Variants in BMPR1B observed in about 807,000 individuals in gnomAD.
BMPR1B encodes bone morphogenetic protein receptor type 1B.
Under a neutral mutation model 59.1 loss-of-function variants are expected in BMPR1B, and 12 were observed. The ratio of observed to expected loss-of-function variants is 0.20; its 90% confidence interval spans 0.13 to 0.33. The LOEUF is 0.33. BMPR1B is among the 10% of genes least tolerant of loss of function. BMPR1B has a pLI of 1.00. For missense variants in BMPR1B, 550 were observed against 610.9 expected, an observed-to-expected ratio of 0.90 and a Z score of 1.05; for synonymous variants, 237 against 207.3, an observed-to-expected ratio of 1.14 and a Z score of -1.23.
intron 1 of BMPR1B, among the ~76,000 whole-genome samples, chr4:94,783,050 G>C (rs1349961062): frequency 6.6e-6 from 1 of 152,126 alleles, no homozygotes; most frequent in Non-Finnish European, 1.5e-5. Flanking sequence ...GCAACCTTGG[G>C]CATGTCCACA....
chr4:94,837,909 T>G (rs79036299), intron 1 of BMPR1B, among the ~76,000 whole-genome samples: 28,704 of 134,476 alleles, frequency 0.21, 4,689 homozygotes, highest in African/African-American at 0.25. Context: ...CATAGATAGC[T>G]CTTATTATTT....
chr4:95,116,592 A>G (rs987530908), intron 6 of BMPR1B, among the ~76,000 whole-genome samples: 26 of 150,954 alleles, frequency 1.7e-4, no homozygotes, highest in Non-Finnish European at 2.8e-4. Context: ...GAATTTCATG[A>G]CTTTGTTTTG....
chr4:95,064,847 G>A (rs1318385602), intron 3 of BMPR1B, among the ~76,000 whole-genome samples: 1 of 152,038 alleles, frequency 6.6e-6, no homozygotes, highest in South Asian at 2.1e-4. Context: ...CATGTACTAG[G>A]ATGGCTGTAA....
intron 8 of BMPR1B, among the ~76,000 whole-genome samples, chr4:95,129,560 T>C (rs1733155392): frequency 6.6e-6 from 1 of 152,208 alleles, no homozygotes; most frequent in Non-Finnish European, 1.5e-5. Flanking sequence ...GCAAGTATTC[T>C]ACTCTGCTGA....
intron 3 of BMPR1B, among the ~76,000 whole-genome samples, chr4:95,019,989 A>G (rs1723855600): frequency 6.6e-6 from 1 of 152,190 alleles, no homozygotes; most frequent in Non-Finnish European, 1.5e-5. Flanking sequence ...GTAAATTTAT[A>G]CAAGCTTGGG....
At chr4:95,130,147 C>T (rs1733217903) in intron 9 of BMPR1B, 93 bp downstream of exon 9, 6 of 1,458,894 alleles carry the variant, frequency 4.1e-6, no homozygotes, top group East Asian at 2.4e-5. Context: ...TGTCTAGACC[C>T]GTTGCGAAAT....
chr4:95,059,535 A>G (rs1727189323), intron 3 of BMPR1B, among the ~76,000 whole-genome samples: 1 of 152,012 alleles, frequency 6.6e-6, no homozygotes, highest in Non-Finnish European at 1.5e-5. Flanking sequence ...TTTTGGGCTG[A>G]TTTTATGCAT....
At chr4:94,876,399 C>T (rs1051795128) in intron 2 of BMPR1B, among the ~76,000 whole-genome samples, 1 of 152,168 alleles carries the variant, frequency 6.6e-6, no homozygotes, top group African/African-American at 2.4e-5. Flanking sequence ...CTACCTCTGA[C>T]CCACATATAT....
intron 2 of BMPR1B, among the ~76,000 whole-genome samples, chr4:94,979,565 T>A (rs181900905): frequency 1.3e-5 from 2 of 152,338 alleles, no homozygotes; most frequent in Non-Finnish European, 2.9e-5. Flanking sequence ...AACCTTGTGT[T>A]TTTGTAAGAA....
At chr4:95,071,720 T>C (rs1025122677) in intron 3 of BMPR1B, among the ~76,000 whole-genome samples, 1 of 148,964 alleles carries the variant, frequency 6.7e-6, no homozygotes, top group African/African-American at 2.5e-5. Flanking sequence ...CAGTTCTTGC[T>C]TTCTTGAATG....
intron 4 of BMPR1B, among the ~76,000 whole-genome samples, chr4:95,105,287 G>A (rs914483409): frequency 1.2e-4 from 19 of 152,114 alleles, no homozygotes; most frequent in Admixed American, 5.9e-4. Flanking sequence ...AGAGAGAAGT[G>A]GGTCAGCTAT....
chr4:95,119,337 G>A (rs1180359368), intron 6 of BMPR1B, among the ~76,000 whole-genome samples: 2 of 152,034 alleles, frequency 1.3e-5, no homozygotes, highest in African/African-American at 4.8e-5. Flanking sequence ...TGTGAGTTGT[G>A]CTTTCACTGG....
chr4:94,760,360 T>C (rs1721710869), intron 1 of BMPR1B, among the ~76,000 whole-genome samples: 1 of 152,234 alleles, frequency 6.6e-6, no homozygotes, highest in African/African-American at 2.4e-5. Flanking sequence ...TAAAAGGAAA[T>C]TGACTTAAAT....
chr4:94,847,817 CAAGT>C (rs751835586), intron 1 of BMPR1B, among the ~76,000 whole-genome samples: 1 of 151,608 alleles, frequency 6.6e-6, no homozygotes, highest in Non-Finnish European at 1.5e-5. Context: ...TTGGGAGTGG[CAAGT>C]AAGGATGGGT....
In BMPR1B at chr4:95,104,441, C is replaced by T; in HGVS notation, c.17C>T (p.Ala6Val). 6.2e-7 allele frequency: 1 copy of T among 1,613,270 alleles called. No individual in the cohort carries two copies. Among genetic ancestry groups the T allele is most frequent in the Middle Eastern group, 1.7e-4 (1 of 6,054 alleles). ...CTTGATAACATGCTTTTGCGAAGTG[C>T]AGGAAAATTAAATGTGGGCACCAAG... MLLRS[A>V]GKLNVGTKKE... is the part of the protein sequence containing the mutation. Residue 6 changes from alanine (A) to valine (V), a missense_variant, in exon 4 of 13, where the codon GCA becomes GTA. Coordinates refer to ENST00000515059, the MANE Select transcript of BMPR1B (RefSeq NM_001203.3).
chr4:95,146,844 G>T (rs1379658720), intron 10 of BMPR1B, among the ~76,000 whole-genome samples: 1 of 152,164 alleles, frequency 6.6e-6, no homozygotes, highest in Non-Finnish European at 1.5e-5. Flanking sequence ...TGGAGCTTTT[G>T]TAGCATCTAT....
At chr4:95,117,954 G>A (rs1732193381) in intron 6 of BMPR1B, among the ~76,000 whole-genome samples, 1 of 152,128 alleles carries the variant, frequency 6.6e-6, no homozygotes, top group Non-Finnish European at 1.5e-5. Flanking sequence ...AGGAGGGTAG[G>A]AACAATGAGA....
chr4:95,042,857 G>A (rs1027544929), intron 3 of BMPR1B, among the ~76,000 whole-genome samples: 1 of 152,136 alleles, frequency 6.6e-6, no homozygotes, highest in Non-Finnish European at 1.5e-5. Flanking sequence ...TCCAGGTGAT[G>A]GTTTACTCTG....
chr4:95,034,880 G>C (rs1018422581), intron 3 of BMPR1B, among the ~76,000 whole-genome samples: 1 of 151,970 alleles, frequency 6.6e-6, no homozygotes, highest in Non-Finnish European at 1.5e-5. Context: ...GGTTGTACTA[G>C]TTTACATTCT....
Sources: gnomAD v4.1 joint callset for allele counts (sites outside exome capture counted in the v4.1 genomes callset) on GRCh38, gnomAD v4.1.1 for gene constraint, MANE v1.5 for transcripts, NCBI Gene and HGNC (gene_info 2026-07-23, HGNC 2026-07-21) for gene names.